TYW1B: variants seen among roughly 807,000 people sequenced by gnomAD.
TYW1B encodes tRNA-yW synthesizing protein 1 homolog B, also known as S-adenosyl-L-methionine-dependent tRNA 4-demethylwyosine synthase TYW1B.
Under a neutral mutation model 86.9 loss-of-function variants are expected in TYW1B, and 73 were observed. That is an observed-to-expected ratio of 0.84 (90% CI 0.70 to 1.02). TYW1B has a LOEUF of 1.02. Ranked by LOEUF, TYW1B falls within the 50% of genes least tolerant of loss-of-function variation. The pLI, the probability that TYW1B is intolerant of heterozygous loss-of-function variation, is 0.00. For synonymous variants in TYW1B, 248 were observed against 292.8 expected (o/e 0.85, Z 1.56); for missense variants, 637 against 827.4 (o/e 0.77, Z 2.82).
At chr7:72,709,980 C>G (rs148543613) in intron 10 of TYW1B, among the ~76,000 whole-genome samples, 124 of 152,310 alleles carry the variant, frequency 8.1e-4, no homozygotes, top group African/African-American at 2.8e-3. Flanking sequence ...CACGATCCCT[C>G]TGCAGGCCTG....
At chr7:72,694,543 T>C (rs1387513567) in intron 11 of TYW1B, 144 bp downstream of exon 11, 3 of 1,252,024 alleles carry the variant, frequency 2.4e-6, no homozygotes, top group Admixed American at 3.5e-5. Context: ...CTCTAAAAAG[T>C]TGAACGCTAT....
chr7:72,632,398 A>G (rs1812540718), intron 11 of TYW1B, among the ~76,000 whole-genome samples: 1 of 100,806 alleles, frequency 9.9e-6, no homozygotes, highest in South Asian at 2.5e-4. Context: ...GTATATATAT[A>G]TAATATATAT....
At chr7:72,650,151 T>C (rs1813026257) in intron 11 of TYW1B, among the ~76,000 whole-genome samples, 1 of 151,464 alleles carries the variant, frequency 6.6e-6, no homozygotes. Context: ...CCTGAACTCG[T>C]GATCCACCCA....
At chr7:72,587,145 C>T (rs1811295606) in intron 13 of TYW1B, among the ~76,000 whole-genome samples, 1 of 152,096 alleles carries the variant, frequency 6.6e-6, no homozygotes, top group South Asian at 2.1e-4. Flanking sequence ...GACCTTCTCA[C>T]AACTCAAAAT....
At chr7:72,651,176 A>G (rs1270900809) in intron 11 of TYW1B, among the ~76,000 whole-genome samples, 2 of 152,224 alleles carry the variant, frequency 1.3e-5, no homozygotes, top group African/African-American at 2.4e-5. Flanking sequence ...TCAGAAATAG[A>G]TTCATGCATA....
chr7:72,775,260 AT>A, intron 7 of TYW1B, among the ~76,000 whole-genome samples: 1 of 152,276 alleles, frequency 6.6e-6, no homozygotes, highest in Admixed American at 6.6e-5. Flanking sequence ...TGAAGAAATA[AT>A]GGCCAAAATT....
chr7:72,797,006 C>A (rs1186733992), intron 6 of TYW1B, among the ~76,000 whole-genome samples: 3 of 151,648 alleles, frequency 2.0e-5, no homozygotes, highest in Non-Finnish European at 2.9e-5. Context: ...GGGGTTTCAT[C>A]GTGTTGGTTA....
At chr7:72,805,849 CAAT>C (rs1788484110) in intron 5 of TYW1B, among the ~76,000 whole-genome samples, 1 of 152,058 alleles carries the variant, frequency 6.6e-6, no homozygotes, top group Non-Finnish European at 1.5e-5. Context: ...GAGAGAGAAA[CAAT>C]GAGTCAGAAT....
At chr7:72,674,036 C>T (rs540671572) in intron 11 of TYW1B, among the ~76,000 whole-genome samples, 130 of 152,154 alleles carry the variant, frequency 8.5e-4, no homozygotes, top group Middle Eastern at 3.4e-3. Flanking sequence ...CAATACCCAC[C>T]ATTCCCTGTG....
At chr7:72,713,412 C>T (rs1786715917) in intron 10 of TYW1B, among the ~76,000 whole-genome samples, 2 of 151,506 alleles carry the variant, frequency 1.3e-5, no homozygotes, top group African/African-American at 2.4e-5. Context: ...CCCCTAGCGA[C>T]ATATCTGTGC....
intron 11 of TYW1B, among the ~76,000 whole-genome samples, chr7:72,639,704 A>C (rs1812757845): frequency 6.6e-6 from 1 of 152,072 alleles, no homozygotes; most frequent in Admixed American, 6.6e-5. Flanking sequence ...TTTCTACTAA[A>C]AATACAAAAA....
chr7:72,662,576 G>T (rs1356277635), intron 11 of TYW1B, among the ~76,000 whole-genome samples: 18 of 152,234 alleles, frequency 1.2e-4, no homozygotes, highest in African/African-American at 3.9e-4. Flanking sequence ...TCTAAGAGCT[G>T]CTCAAATTTT....
Position 72,673,706 on chromosome 7 carries a change from T to C in TYW1B, c.1506+20981A>G, listed in dbSNP as rs371897125. Among the ~76,000 whole-genome samples, 20 of 152,294 alleles carry C rather than the reference T, an allele frequency of 1.3e-4. No individual in the cohort carries two copies. The East Asian group carries it at 3.1e-3, about 24-fold the overall frequency. On this transcript the variant is annotated intron_variant, in intron 11 of 13. Coordinates refer to ENST00000620995, the MANE Select transcript of TYW1B (RefSeq NM_001145440.3). Reference sequence around the variant, plus strand: ...TTGATAGCACAACAGGTTGACTATATAGTCAAACTTAATTTAATTGTACAT... The same window carrying C: ...TTGATAGCACAACAGGTTGACTATACAGTCAAACTTAATTTAATTGTACAT...
intron 9 of TYW1B, among the ~76,000 whole-genome samples, chr7:72,726,361 A>T (rs1267092688): frequency 1.4e-5 from 2 of 146,330 alleles, no homozygotes; most frequent in African/African-American, 5.0e-5. Flanking sequence ...TTATTGACTA[A>T]TTTTTTTTGT....
chr7:72,785,405 C>A, intron 6 of TYW1B, among the ~76,000 whole-genome samples: 1 of 145,148 alleles, frequency 6.9e-6, no homozygotes, highest in Non-Finnish European at 1.5e-5. Flanking sequence ...TTATATAATT[C>A]TAATATAATT....
intron 11 of TYW1B, among the ~76,000 whole-genome samples, chr7:72,693,990 T>C (rs181199759): frequency 6.6e-6 from 1 of 152,186 alleles, no homozygotes; most frequent in African/African-American, 2.4e-5. Flanking sequence ...AGACAGAGTC[T>C]CACTCTGTCA....
chr7:72,599,864 A>T (rs1217853083), intron 13 of TYW1B, among the ~76,000 whole-genome samples: 6 of 149,790 alleles, frequency 4.0e-5, no homozygotes, highest in African/African-American at 1.3e-4. Context: ...AAGTCTGATT[A>T]AAAAAAAATC....
chr7:72,639,105 T>A (rs1430872544), intron 11 of TYW1B, among the ~76,000 whole-genome samples: 4 of 151,974 alleles, frequency 2.6e-5, no homozygotes, highest in African/African-American at 7.3e-5. Context: ...TAGATATTAC[T>A]CTGAGAAAAA....
intron 12 of TYW1B, among the ~76,000 whole-genome samples, chr7:72,626,265 G>T (rs1284205121): frequency 7.3e-6 from 1 of 137,046 alleles, no homozygotes; most frequent in Non-Finnish European, 1.5e-5. Context: ...CTCACCAAAA[G>T]ACAGCTGTAA....
Sources: allele counts gnomAD v4.1 joint callset (sites outside exome capture counted in the v4.1 genomes callset), GRCh38; gene constraint gnomAD v4.1.1; transcripts MANE v1.5; gene names NCBI Gene and HGNC (gene_info 2026-07-23, HGNC 2026-07-21).